The following DAB1 variants were observed in gnomAD, a reference collection of about 807,000 sequenced individuals.
The protein encoded by DAB1 is DAB adaptor protein 1.
DAB1 carries 15 observed loss-of-function variants against 64.6 expected under a neutral mutation model. The ratio of observed to expected loss-of-function variants is 0.23; its 90% CI spans 0.16 to 0.36. The LOEUF is 0.36. Among genes scored for constraint, DAB1 ranks in the 10% least tolerant of loss-of-function variants. The pLI, the probability that DAB1 is intolerant of heterozygous loss-of-function variation, is 1.00. For missense variants in DAB1, 596 were observed against 706.7 expected (o/e 0.84, Z 1.78); for synonymous variants, 235 against 251.9 (o/e 0.93, Z 0.64).
intron 3 of DAB1, among the ~76,000 whole-genome samples, chr1:58,475,506 G>A (rs1457019326): frequency 1.5e-5 from 2 of 133,690 alleles, no homozygotes; most frequent in Non-Finnish European, 3.3e-5. Context: ...ACACACACAC[G>A]AATCAGACTA....
chr1:58,300,615 AGAGAGAGAGAGAG>A (rs1662120419), intron 4 of DAB1, among the ~76,000 whole-genome samples: 1 of 39,034 alleles, frequency 2.6e-5, no homozygotes, highest in Admixed American at 2.2e-4. Flanking sequence ...AAAGAAAGAG[AGAGAGAGAGAGAG>A]AGAGAGAGAG....
chr1:58,362,917 T>TTG (rs1644181388), intron 3 of DAB1, among the ~76,000 whole-genome samples: 1 of 152,200 alleles, frequency 6.6e-6, no homozygotes, highest in Non-Finnish European at 1.5e-5. Context: ...AGAAATTTAT[T>TTG]TTCTTACATT....
rs1646621479 is a variant in DAB1, at chr1:58,541,640, A to AC, written n.32+5062_32+5063insG. 4.2e-5 allele frequency: 6 copies of AC among 142,012 alleles called. No individual in the cohort carries two copies. The South Asian group carries it at 1.1e-3, about 27-fold the overall frequency. 8.8% of individuals were successfully genotyped at this position (142,012 alleles called of 1,614,324 possible). ...AAAAAAAAAAAAAAAAAAAAAAAAA[A>AC]ACCAAAAACAAAAAACAAAAAAACC... On this transcript the variant is annotated intron_variant and non_coding_transcript_variant, in intron 1 of 20. Transcript: ENST00000485760.
In DAB1 at chr1:58,477,460, C is replaced by T. The variant is rs960501553; in HGVS notation, n.257+28600G>A. On this transcript the variant is annotated intron_variant and non_coding_transcript_variant, in intron 3 of 20. Coordinates refer to the DAB1 transcript ENST00000485760. ...CCCCGTGGTTGCATCTCTCCTAACA[C>T]GCAGTAGCCATTCTGTTTGGGTGGT... Among the ~76,000 whole-genome samples, 61 of 152,156 alleles carry T rather than the reference C, an allele frequency of 4.0e-4. 1 individual carries two copies. Among genetic ancestry groups the T allele is most frequent in the African/African-American group, 1.3e-3 (53 of 41,444 alleles).
intron 7 of DAB1, among the ~76,000 whole-genome samples, chr1:57,521,244 T>C (rs1015925626): frequency 6.6e-6 from 1 of 152,182 alleles, no homozygotes; most frequent in East Asian, 1.9e-4. Context: ...GGGGATTAAC[T>C]GGCTCAGCAT....
chr1:58,288,542 T>G (rs1030310253), intron 4 of DAB1, among the ~76,000 whole-genome samples: 18 of 152,210 alleles, frequency 1.2e-4, no homozygotes, highest in Admixed American at 9.2e-4. Flanking sequence ...AAAGATCTAC[T>G]TCTTGAGCAT....
intron 5 of DAB1, among the ~76,000 whole-genome samples, chr1:58,130,602 T>C (rs1653482212): frequency 6.6e-6 from 1 of 152,156 alleles, no homozygotes; most frequent in South Asian, 2.1e-4. Flanking sequence ...GTACCGGTTG[T>C]TCCTTTCCAT....
intron 2 of DAB1, among the ~76,000 whole-genome samples, chr1:57,268,258 G>C (rs1245616148): frequency 1.3e-5 from 2 of 152,320 alleles, no homozygotes; most frequent in East Asian, 3.9e-4. Context: ...CTCTGGGGAA[G>C]AGAAAGAAAT....
At chr1:57,671,844 A>G (rs2101684775) in intron 6 of DAB1, among the ~76,000 whole-genome samples, 1 of 152,180 alleles carries the variant, frequency 6.6e-6, no homozygotes. Flanking sequence ...TTACTTTGTT[A>G]ATGCCTCTAC....
chr1:57,492,700 C>T (rs916137095), intron 7 of DAB1, among the ~76,000 whole-genome samples: 1 of 152,140 alleles, frequency 6.6e-6, no homozygotes, highest in Admixed American at 6.5e-5. Context: ...TCAAACATAG[C>T]TTTAACCCTA....
At chr1:57,846,093 G>T (rs760715446) in intron 1 of DAB1, among the ~76,000 whole-genome samples, 1 of 152,078 alleles carries the variant, frequency 6.6e-6, no homozygotes, top group Non-Finnish European at 1.5e-5. Context: ...AAAATGAGCC[G>T]GTAGTAGTGG....
intron 5 of DAB1, chr1:58,074,444 T>C (rs1239541438): frequency 7.0e-6 from 1 of 142,356 alleles, no homozygotes; most frequent in East Asian, 2.0e-4. Context: ...CCAGGATTTC[T>C]ACTAGTTGGT....
intron 4 of DAB1, among the ~76,000 whole-genome samples, chr1:57,119,991 T>C (rs1403978144): frequency 6.6e-6 from 1 of 152,210 alleles, no homozygotes; most frequent in Non-Finnish European, 1.5e-5. Context: ...AACCTCTTTT[T>C]AGTCTCCTAA....
chr1:57,691,714 C>T lies in DAB1; in HGVS notation n.552-42049G>A, dbSNP rs546323311. 1.6e-3 allele frequency among the ~76,000 whole-genome samples: 248 copies of T among 152,194 alleles called. 1 individual carries two copies. Among genetic ancestry groups the T allele is most frequent in the African/African-American group, 5.8e-3 (240 of 41,536 alleles). On this transcript the variant is annotated intron_variant and non_coding_transcript_variant, in intron 6 of 20. Transcript: ENST00000485760. ...CTGTAACACTCACTGCGAAGGTCTG[C>T]AGCTTCATTCTTGAAGTCAGCAAGA...
chr1:58,537,416 A>G (rs1646534921), intron 1 of DAB1, among the ~76,000 whole-genome samples: 1 of 152,206 alleles, frequency 6.6e-6, no homozygotes, highest in Non-Finnish European at 1.5e-5. Flanking sequence ...GCTCAGTAGC[A>G]GAAACTCCAC....
At chr1:57,161,456 C>T (rs1331609315) in intron 2 of DAB1, among the ~76,000 whole-genome samples, 1 of 152,156 alleles carries the variant, frequency 6.6e-6, no homozygotes, top group Non-Finnish European at 1.5e-5. Context: ...AAGGCAGCCT[C>T]ACTACCACCA....
intron 6 of DAB1, among the ~76,000 whole-genome samples, chr1:57,801,764 C>T (rs1219392551): frequency 6.6e-6 from 1 of 152,030 alleles, no homozygotes; most frequent in Non-Finnish European, 1.5e-5. Context: ...TTCAGGCGAT[C>T]CTCCGGCCTT....
intron 5 of DAB1, among the ~76,000 whole-genome samples, chr1:57,957,822 G>T (rs1306034551): frequency 6.6e-6 from 1 of 152,124 alleles, no homozygotes; most frequent in African/African-American, 2.4e-5. Flanking sequence ...TTAGCACCTT[G>T]GAGTTTCATA....
chr1:57,622,011 GA>G (rs1645865562), intron 7 of DAB1, among the ~76,000 whole-genome samples: 1 of 152,168 alleles, frequency 6.6e-6, no homozygotes, highest in African/African-American at 2.4e-5. Flanking sequence ...TTAAATGTGT[GA>G]TGCAATGTGT....
Sources: allele counts gnomAD v4.1 joint callset (sites outside exome capture counted in the v4.1 genomes callset), GRCh38; gene constraint gnomAD v4.1.1; transcripts MANE v1.5; gene names NCBI Gene and HGNC (gene_info 2026-07-23, HGNC 2026-07-21).